TBX20: variants seen among roughly 807,000 people sequenced by gnomAD.
TBX20 encodes the protein T-box transcription factor TBX20.
In TBX20, 8 loss-of-function variants were observed where a neutral mutation model predicts 42.9. That is an observed-to-expected ratio of 0.19 (90% CI 0.11 to 0.34). TBX20 has a LOEUF of 0.34. Among genes scored for constraint, TBX20 ranks in the 10% least tolerant of loss-of-function variants. The pLI, the probability that TBX20 is intolerant of heterozygous loss-of-function variation, is 1.00. For synonymous variants in TBX20, 198 were observed against 222.8 expected, an observed-to-expected ratio of 0.89 and a Z score of 0.99; for missense variants, 411 against 566.0, an observed-to-expected ratio of 0.73 and a Z score of 2.78.
intron 6 of TBX20, among the ~76,000 whole-genome samples, chr7:35,227,573 C>CAATAGGCCATACCA (rs1330634067): frequency 1.4e-4 from 22 of 152,220 alleles, no homozygotes; most frequent in Admixed American, 9.2e-4. Flanking sequence ...AGTCTAGGAT[C>CAATAGGCCATACCA]AATAGGCCAT....
At chr7:35,245,543 AG>A (rs1790167503) in intron 3 of TBX20, among the ~76,000 whole-genome samples, 1 of 152,180 alleles carries the variant, frequency 6.6e-6, no homozygotes, top group South Asian at 2.1e-4. Context: ...TTAAACTTAA[AG>A]TTTTAAAGTT....
intron 6 of TBX20, among the ~76,000 whole-genome samples, chr7:35,214,640 G>C (rs1456948758): frequency 6.6e-6 from 1 of 152,026 alleles, no homozygotes; most frequent in African/African-American, 2.4e-5. Flanking sequence ...TTACTCAAAG[G>C]CTTAATTTAC....
intron 6 of TBX20, among the ~76,000 whole-genome samples, chr7:35,230,493 C>T (rs1789848301): frequency 1.3e-5 from 2 of 152,090 alleles, no homozygotes; most frequent in Non-Finnish European, 2.9e-5. Flanking sequence ...CCCCACTGAG[C>T]CTCTAAGTCT....
intron 3 of TBX20, among the ~76,000 whole-genome samples, chr7:35,245,836 C>T (rs746742654): frequency 2.0e-5 from 3 of 152,196 alleles, no homozygotes; most frequent in Admixed American, 6.5e-5. Flanking sequence ...CCTGTGACAA[C>T]GCCTTAAATG....
intron 6 of TBX20, 128 bp from the exon 7 acceptor site, chr7:35,204,710 A>G: frequency 2.8e-6 from 2 of 711,354 alleles, no homozygotes; most frequent in South Asian, 1.5e-5. Flanking sequence ...CTGCACAGAA[A>G]GATGAAATTC....
chr7:35,214,915 G>A (rs1267132051), intron 6 of TBX20, among the ~76,000 whole-genome samples: 2 of 152,090 alleles, frequency 1.3e-5, no homozygotes, highest in Non-Finnish European at 2.9e-5. Context: ...CCCAAATTCT[G>A]GATGGTGTTT....
intron 6 of TBX20, among the ~76,000 whole-genome samples, chr7:35,216,149 A>AT (rs1789586456): frequency 6.6e-6 from 1 of 152,158 alleles, no homozygotes; most frequent in Admixed American, 6.5e-5. Context: ...TGATCTAGGC[A>AT]GGGGTTCTCA....
intron 6 of TBX20, among the ~76,000 whole-genome samples, chr7:35,210,964 CTCT>C (rs1789487731): frequency 6.6e-6 from 1 of 151,796 alleles, no homozygotes; most frequent in Non-Finnish European, 1.5e-5. Flanking sequence ...TATCTCTTTC[CTCT>C]TTTTTGCTTT....
intron 6 of TBX20, among the ~76,000 whole-genome samples, chr7:35,225,375 T>C (rs375653380): frequency 8.5e-5 from 13 of 152,372 alleles, no homozygotes; most frequent in Non-Finnish European, 1.6e-4. Context: ...TCAATATATC[T>C]AATTGATATT....
In TBX20 at chr7:35,207,149, C is replaced by T. The variant is rs188641178; in HGVS notation, c.891-2567G>A. On this transcript the variant is annotated intron_variant, in intron 6 of 7. Coordinates refer to ENST00000408931, the MANE Select transcript of TBX20 (RefSeq NM_001077653.2). ...TCCCACCATCAGTGTATGAGAACTC[C>T]AGGTCCTCTATACTCTCACTGATGC... 5.5e-4 allele frequency among the ~76,000 whole-genome samples: 84 copies of T among 152,262 alleles called. 1 individual carries two copies. The highest frequency in any genetic ancestry group is 1.8e-3 in the African/African-American group (73 of 41,552).
Position 35,248,786 on chromosome 7 carries a change from A to G in TBX20, c.436T>C (p.Tyr146His). 1 of 1,614,162 alleles carries G rather than the reference A, an allele frequency of 6.2e-7. No homozygotes were observed. The highest frequency in any genetic ancestry group is 8.5e-7 in the Non-Finnish European group (1 of 1,180,028). The change falls in exon 3 of 8, where the codon TAC (tyrosine) becomes CAC (histidine). Residue 146 changes from tyrosine (Y) to histidine (H), a missense_variant. Tyr to His is a moderately conservative substitution (Grantham distance 83). Around this residue, in one of 5 missense-constraint regions of TBX20, gnomAD observed 121 missense variants for 165.9 expected, o/e 0.73. Coordinates refer to ENST00000408931, the MANE Select transcript of TBX20 (RefSeq NM_001077653.2). ...GGGACGATGTCCATCAGGACTATGT[A>G]CTTGGCCTCAGGATCCACCCCCGAA... Reference protein sequence around the residue: ...SFSGVDPEAKYIVLMDIVPVD... With the variant: ...SFSGVDPEAKHIVLMDIVPVD...
At chr7:35,209,378 T>C (rs374155223) in intron 6 of TBX20, among the ~76,000 whole-genome samples, 165 of 152,282 alleles carry the variant, frequency 1.1e-3, no homozygotes, top group African/African-American at 3.6e-3. Flanking sequence ...CTGTTTTCTC[T>C]TGAATGAGCT....
chr7:35,206,023 A>G (rs181918569), intron 6 of TBX20, among the ~76,000 whole-genome samples: 1 of 152,344 alleles, frequency 6.6e-6, no homozygotes, highest in Non-Finnish European at 1.5e-5. Flanking sequence ...AGAACACAGG[A>G]TATGTATGTT....
rs1554287407 is a variant in TBX20, at chr7:35,245,319, G to GGGGTGT, written c.546-263_546-262insACACCC. On this transcript the variant is annotated intron_variant, in intron 3 of 7. Transcript: ENST00000408931. ...AGCTGAGCAAGGCATTGTTTAAAGG[G>GGGGTGT]GTGTGTGTGTGTGTGTGTGTGTGTG... 2.5e-3 allele frequency among the ~76,000 whole-genome samples: 367 copies of GGGGTGT among 146,498 alleles called. 2 individuals are homozygous for GGGGTGT. Among genetic ancestry groups the GGGGTGT allele is most frequent in the African/African-American group, 8.7e-3 (345 of 39,580 alleles).
intron 6 of TBX20, among the ~76,000 whole-genome samples, chr7:35,210,767 T>C (rs1789484093): frequency 6.6e-6 from 1 of 152,174 alleles, no homozygotes; most frequent in African/African-American, 2.4e-5. Flanking sequence ...TGCTTTACTT[T>C]CAACTTATGT....
At chr7:35,236,781 T>G (rs553821213) in intron 5 of TBX20, among the ~76,000 whole-genome samples, 62 of 152,316 alleles carry the variant, frequency 4.1e-4, no homozygotes, top group African/African-American at 1.3e-3. Flanking sequence ...GTAGAATCTA[T>G]GAGAAAATTA....
In TBX20 at chr7:35,231,531, T is replaced by A. The variant is rs748385104; in HGVS notation, c.863A>T (p.Asp288Val). 6.2e-7 allele frequency: 1 copy of A among 1,613,630 alleles called. No homozygotes were observed. ...CTCAATGTCAGTGAGCCTGGAGGAATCCCGGAATCCTTTGGCAAAAGGATT... is the reference window on the plus strand; with the variant it reads ...CTCAATGTCAGTGAGCCTGGAGGAAACCCGGAATCCTTTGGCAAAAGGATT... ...DSNPFAKGFRDSSRLTDIERE... is the reference protein window; with the variant it reads ...DSNPFAKGFRVSSRLTDIERE... The change falls in exon 6 of 8, where the codon GAT (aspartate) becomes GTT (valine). Residue 288 changes from aspartate (D) to valine (V), a missense_variant. Coordinates refer to ENST00000408931, the MANE Select transcript of TBX20 (RefSeq NM_001077653.2).
At chr7:35,246,819 GA>G in intron 3 of TBX20, among the ~76,000 whole-genome samples, 1 of 152,068 alleles carries the variant, frequency 6.6e-6, no homozygotes, top group South Asian at 2.1e-4. Flanking sequence ...TAATAATAAA[GA>G]ATAGTTGCTA....
At chr7:35,233,943 C>G (rs575633347) in intron 5 of TBX20, among the ~76,000 whole-genome samples, 1 of 152,182 alleles carries the variant, frequency 6.6e-6, no homozygotes, top group Admixed American at 6.5e-5. Flanking sequence ...GGTGGCACCA[C>G]CTCCAACAAA....
Sources: gnomAD v4.1 joint callset for allele counts (sites outside exome capture counted in the v4.1 genomes callset) on GRCh38, gnomAD v4.1.1 for gene constraint, gnomAD v4.1.1 regional missense constraint, MANE v1.5 for transcripts, NCBI Gene and HGNC (gene_info 2026-07-23, HGNC 2026-07-21) for gene names.